The following VPS13C variants were observed in gnomAD, a reference collection of about 807,000 sequenced individuals.
VPS13C encodes the protein vacuolar protein sorting 13 homolog C.
Under a neutral mutation model 456.8 loss-of-function variants are expected in VPS13C, and 358 were observed. The observed-to-expected ratio is 0.78, with a 90% CI of 0.72 to 0.86. The LOEUF is 0.86. Ranked by LOEUF, VPS13C falls within the 40% of genes least tolerant of loss-of-function variation. The probability of loss-of-function intolerance (pLI) is 0.00; values close to 1 mark genes in which losing one functional copy is unlikely to be tolerated. For missense variants in VPS13C, 4,818 were observed against 4,385.4 expected, an observed-to-expected ratio of 1.10 and a Z score of -2.79; for synonymous variants, 1,578 against 1,486.7, an observed-to-expected ratio of 1.06 and a Z score of -1.41.
At chr15:61,960,471 CTG>C (rs2045157069) in intron 35 of VPS13C, among the ~76,000 whole-genome samples, 1 of 152,068 alleles carries the variant, frequency 6.6e-6, no homozygotes, top group African/African-American at 2.4e-5. Flanking sequence ...TGAATATTGA[CTG>C]AATTTCAGAT....
rs768176729 is a variant in VPS13C, at chr15:61,880,652, G to A, written c.9959C>T (p.Ser3320Leu). Reference sequence around the variant, plus strand: ...GAAATGTTCAAAGAAACTAAGAATTGACATATCAGTCATTGAAGTCTCCAT... The same window carrying A: ...GAAATGTTCAAAGAAACTAAGAATTAACATATCAGTCATTGAAGTCTCCAT... The part of the protein sequence containing the change: ...ELMETSMTDM[S>L]ILSFFEHFHI... Residue 3320 changes from serine (S) to leucine (L), a missense_variant, in exon 73 of 85, where the codon TCA (serine) becomes TTA (leucine). By Grantham distance (145) the Ser-to-Leu change is moderately radical. This residue lies in a region of VPS13C where 4,552 missense variants were observed against 4,130.6 expected (regional missense o/e 1.10). Transcript: ENST00000644861. 1 of 1,598,274 alleles carries A rather than the reference G, an allele frequency of 6.3e-7. No individual in the cohort carries two copies. Among genetic ancestry groups the A allele is most frequent in the South Asian group, 1.2e-5 (1 of 86,876 alleles).
rs570124281 is a variant in VPS13C at position 62,005,972 on chromosome 15, G to A, written c.1290+1336C>T. On this transcript the variant is annotated intron_variant, in intron 15 of 84. Transcript: ENST00000644861. ...GCCCGCCTCAGCCTCCCAAAGTGCT[G>A]GGATTATAGGTGTGAGCCACCACGC... Among the ~76,000 whole-genome samples the A allele has an allele frequency of 1.0e-3, 158 of 152,040 alleles. No individual in the cohort carries two copies. In the South Asian group the frequency reaches 0.015, roughly 14 times the overall value.
intron 66 of VPS13C, among the ~76,000 whole-genome samples, chr15:61,893,897 A>G (rs2140084256): frequency 6.6e-6 from 1 of 152,206 alleles, no homozygotes. Context: ...GCAAAATCCA[A>G]TAATAAATAT....
chr15:61,881,574 G>A lies in VPS13C; in HGVS notation c.9765C>T (p.Val3255=). 1 of 1,607,624 alleles carries A rather than the reference G, an allele frequency of 6.2e-7. No individual in the cohort carries two copies. Among genetic ancestry groups the A allele is most frequent in the Non-Finnish European group, 8.5e-7 (1 of 1,177,574 alleles). ...GAATCTTCACTTACTTGAACTGTAA[G>A]ACTTTACTGTACTCATTAAATCTTG... ...VITRFNEYSK[V]LQFKYFMVLI... The change falls in exon 71 of 85, where the codon GTC becomes GTT. Residue 3255 remains valine, a synonymous_variant. Coordinates refer to ENST00000644861, the MANE Select transcript of VPS13C (RefSeq NM_020821.3).
At chr15:62,047,382 G>A (rs2048447556) in intron 1 of VPS13C, among the ~76,000 whole-genome samples, 1 of 151,534 alleles carries the variant, frequency 6.6e-6, no homozygotes, top group Non-Finnish European at 1.5e-5. Flanking sequence ...AGGTTGCGGT[G>A]AGCTGAGATT....
chr15:61,910,279 C>G lies in VPS13C; in HGVS notation c.8742G>C (p.Leu2914Phe). Residue 2914 changes from leucine to phenylalanine, a missense_variant, in exon 64 of 85, where the codon TTG becomes TTC. Leu to Phe is a conservative substitution (Grantham distance 22, BLOSUM62 0). Transcript: ENST00000644861. ...CCACTCTCACACAAAGTTTGCCTGA[C>G]AAACTTTCTGGCCAAAATGGAAGGC... ...SECLPFWPES[L>F]SGKLCVRVVG... The G allele has an allele frequency of 6.5e-7, 1 of 1,527,150 alleles. No individual in the cohort carries two copies. The highest frequency in any genetic ancestry group is 1.3e-5 in the South Asian group (1 of 77,274). 94.6% of individuals were successfully genotyped at this position (1,527,150 alleles called of 1,614,324 possible).
chr15:61,902,676 AG>A (rs1224921337), intron 66 of VPS13C, among the ~76,000 whole-genome samples: 1 of 152,210 alleles, frequency 6.6e-6, no homozygotes, highest in African/African-American at 2.4e-5. Flanking sequence ...TCAACAAACT[AG>A]GCACAGAAGG....
intron 67 of VPS13C, among the ~76,000 whole-genome samples, chr15:61,888,662 G>C (rs2140064438): frequency 6.6e-6 from 1 of 152,216 alleles, no homozygotes; most frequent in Non-Finnish European, 1.5e-5. Context: ...AAACTTTGGA[G>C]ACAATAAAAA....
intron 27 of VPS13C, among the ~76,000 whole-genome samples, chr15:61,972,272 CA>C (rs1351986472): frequency 2.0e-5 from 3 of 151,982 alleles, no homozygotes; most frequent in Non-Finnish European, 2.9e-5. Flanking sequence ...TGATAATGAG[CA>C]ATATTATTTA....
intron 8 of VPS13C, among the ~76,000 whole-genome samples, chr15:62,022,451 T>C (rs762865340): frequency 6.6e-6 from 1 of 151,928 alleles, no homozygotes; most frequent in Non-Finnish European, 1.5e-5. Context: ...ACTTTCATGA[T>C]GCGTTGAGTA....
rs777581900 is a variant in VPS13C, at chr15:61,929,625, C to A, written c.6162G>T (p.Val2054=). 1 of 1,614,078 alleles carries A rather than the reference C, an allele frequency of 6.2e-7. No homozygotes were observed. The highest frequency in any genetic ancestry group is 8.5e-7 in the Non-Finnish European group (1 of 1,180,006). ...VLDKLYVCAS[V]EFLMTVADFF... ...AATCTGCCACAGTCATCAGAAATTCCACACTGGCACATACATACAGCTTGT... is the reference window on the plus strand; with the variant it reads ...AATCTGCCACAGTCATCAGAAATTCAACACTGGCACATACATACAGCTTGT... Residue 2054 remains valine (V), a synonymous_variant, in exon 51 of 85, where the codon GTG becomes GTT. Coordinates refer to ENST00000644861, the MANE Select transcript of VPS13C (RefSeq NM_020821.3).
rs1055203846 is a variant in VPS13C at position 61,880,978 on chromosome 15, A to G, written c.9777-24T>C. 5 of 1,544,580 alleles carry G rather than the reference A, an allele frequency of 3.2e-6. No homozygotes were observed. In the South Asian group the frequency reaches 6.0e-5, roughly 18 times the overall value. On this transcript the variant is annotated intron_variant, in intron 71 of 84. Coordinates refer to ENST00000644861, the MANE Select transcript of VPS13C (RefSeq NM_020821.3). ...ACCTAAGAAAAAAAATTTAAAATGGAAAAGGATTTCTACCAAATCTTTTAA... is the reference window on the plus strand; with the variant it reads ...ACCTAAGAAAAAAAATTTAAAATGGGAAAGGATTTCTACCAAATCTTTTAA...
intron 15 of VPS13C, among the ~76,000 whole-genome samples, chr15:62,006,423 G>A (rs1235541103): frequency 5.3e-5 from 8 of 151,876 alleles, no homozygotes; most frequent in East Asian, 2.0e-4. Context: ...GTCCCTACAA[G>A]GGACATGAAC....
intron 3 of VPS13C, among the ~76,000 whole-genome samples, chr15:62,036,829 T>C (rs1052442049): frequency 1.4e-4 from 22 of 151,908 alleles, no homozygotes; most frequent in Non-Finnish European, 3.1e-4. Context: ...CAGGAAATTT[T>C]TTAAATTTTT....
chr15:61,972,755 T>A lies in VPS13C; in HGVS notation c.2627A>T (p.Asp876Val). The change falls in exon 27 of 85, where the codon GAT (aspartate) becomes GTT (valine). Residue 876 changes from aspartate to valine, a missense_variant. Physicochemically the swap from Asp to Val is radical, Grantham distance 152. Around this residue, in one of 3 missense-constraint regions of VPS13C, gnomAD observed 4,552 missense variants for 4,130.6 expected, o/e 1.10. Coordinates refer to ENST00000644861, the MANE Select transcript of VPS13C (RefSeq NM_020821.3). ...TCCATCTTCAGCATCAAAATACTCA[T>A]CATCAGACTCTAAAGGAAAAAGACA... ...LLDTVESESD[D>V]EYFDAEDGEP... 6.2e-7 allele frequency: 1 copy of A among 1,610,134 alleles called. No individual in the cohort carries two copies. The highest frequency in any genetic ancestry group is 1.1e-5 in the South Asian group (1 of 90,688).
In VPS13C at chr15:61,854,249, T is replaced by G; in HGVS notation, c.*208A>C. 3 of 585,726 alleles carry G rather than the reference T, an allele frequency of 5.1e-6. No individual in the cohort carries two copies. In the South Asian group the frequency reaches 6.4e-5, roughly 13 times the overall value. The allele number at this position is 585,726 out of a possible 1,614,324, so 36.3% of individuals were successfully genotyped here. On this transcript the variant is annotated 3_prime_UTR_variant, in exon 85 of 85. Transcript: ENST00000644861. Reference sequence around the variant, plus strand: ...GGTCTGACCCATTTGGGTGGTGGCGTAGAAGTGGACTGCTAGCATATACAT... The same window carrying G: ...GGTCTGACCCATTTGGGTGGTGGCGGAGAAGTGGACTGCTAGCATATACAT...
At chr15:61,995,273 A>G (rs2046345977) in intron 16 of VPS13C, among the ~76,000 whole-genome samples, 1 of 152,226 alleles carries the variant, frequency 6.6e-6, no homozygotes, top group Admixed American at 6.5e-5. Flanking sequence ...TTGAAAAGTA[A>G]GCAAAGCAGG....
At chr15:62,050,726 A>G (rs1379818104) in intron 1 of VPS13C, among the ~76,000 whole-genome samples, 3 of 151,646 alleles carry the variant, frequency 2.0e-5, no homozygotes, top group Non-Finnish European at 2.9e-5. Flanking sequence ...CACTCGAACC[A>G]GAAGGGCAGA....
In VPS13C at chr15:61,913,351, T is replaced by C; in HGVS notation, c.8510A>G (p.Tyr2837Cys). 1 of 1,614,086 alleles carries C rather than the reference T, an allele frequency of 6.2e-7. No individual in the cohort carries two copies. The highest frequency in any genetic ancestry group is 1.1e-5 in the South Asian group (1 of 91,078). The part of the protein sequence containing the change: ...SSFSLDTVGS[Y>C]GCVKCPANNM... ...GTTGGCAGGACACTTCACACACCCATAACTTCCCACTGTATCCAATGAGAA... is the reference window on the plus strand; with the variant it reads ...GTTGGCAGGACACTTCACACACCCACAACTTCCCACTGTATCCAATGAGAA... The change falls in exon 62 of 85, where the codon TAT becomes TGT. Residue 2837 changes from tyrosine to cysteine, a missense_variant. This residue lies in a region of VPS13C where 4,552 missense variants were observed against 4,130.6 expected (regional missense o/e 1.10). Coordinates refer to ENST00000644861, the MANE Select transcript of VPS13C (RefSeq NM_020821.3).
Sources: gnomAD v4.1 joint callset for allele counts (sites outside exome capture counted in the v4.1 genomes callset) on GRCh38, gnomAD v4.1.1 for gene constraint, gnomAD v4.1.1 regional missense constraint, MANE v1.5 for transcripts, NCBI Gene and HGNC (gene_info 2026-07-23, HGNC 2026-07-21) for gene names.